PIP5K1C: variants seen among roughly 807,000 people sequenced by gnomAD.
PIP5K1C encodes the protein phosphatidylinositol-4-phosphate 5-kinase type 1 gamma.
PIP5K1C carries 45 observed loss-of-function variants against 80.1 expected under a neutral mutation model. The observed-to-expected ratio is 0.56, with a 90% confidence interval of 0.44 to 0.72. The LOEUF is 0.72. Among genes scored for constraint, PIP5K1C ranks in the 30% least tolerant of loss-of-function variants. PIP5K1C has a pLI of 0.00. For missense variants in PIP5K1C, 753 were observed against 954.6 expected (o/e 0.79, Z 2.78); for synonymous variants, 498 against 420.1 (o/e 1.19, Z -2.27).
Position 3,636,981 on chromosome 19 carries a change from C to T in PIP5K1C, c.1920+1903G>A, listed in dbSNP as rs192039658. ...TTGGGGATCTGGATTTTGACTAAAC[C>T]GTGTGGTCTCCCAGGCTCCCAGGGG... On this transcript the variant is annotated intron_variant, in intron 16 of 17. Coordinates refer to ENST00000335312, the MANE Select transcript of PIP5K1C (RefSeq NM_012398.3). The T allele has an allele frequency of 2.9e-4, 298 of 1,027,384 alleles. 3 individuals are homozygous for T. The African/African-American group carries it at 4.5e-3, about 15-fold the overall frequency. 63.6% of individuals were successfully genotyped at this position (1,027,384 alleles called of 1,614,324 possible). A position where few individuals can be genotyped will look rare whatever the true frequency, so the allele number is the denominator to read the frequency against.
chr19:3,652,017 G>A lies in PIP5K1C; in HGVS notation c.936C>T (p.Phe312=). The A allele has an allele frequency of 6.2e-7, 1 of 1,613,174 alleles. No individual in the cohort carries two copies. Among genetic ancestry groups the A allele is most frequent in the Non-Finnish European group, 8.5e-7 (1 of 1,179,974 alleles). Residue 312 remains phenylalanine, a synonymous_variant, in exon 8 of 18, where the codon TTC becomes TTT. Transcript: ENST00000335312. Reference sequence around the variant, plus strand: ...GCAGCAGGCTGTAGTCCATGATCTTGAAACTTTCCAGGACCTGGCGGGATC... The same window carrying A: ...GCAGCAGGCTGTAGTCCATGATCTTAAAACTTTCCAGGACCTGGCGGGATC... ...LQRDCLVLES[F]KIMDYSLLLG...
intron 1 of PIP5K1C, chr19:3,673,686 G>A (rs1478775821): frequency 6.6e-6 from 1 of 151,254 alleles, no homozygotes; most frequent in African/African-American, 2.4e-5. Flanking sequence ...CAGAGCTCAC[G>A]GTCACCTCCC....
chr19:3,658,338 C>T (rs951582494), intron 5 of PIP5K1C, among the ~76,000 whole-genome samples: 5 of 152,208 alleles, frequency 3.3e-5, no homozygotes, highest in African/African-American at 1.2e-4. Flanking sequence ...GTGAGAGAGC[C>T]GTGTGGGGTG....
At chr19:3,662,160 TGCTGA>T (rs1183340585) in intron 3 of PIP5K1C, among the ~76,000 whole-genome samples, 159 bp from the exon 4 acceptor site, 3 of 152,194 alleles carry the variant, frequency 2.0e-5, no homozygotes, top group African/African-American at 7.2e-5. Context: ...GTCCTGCGGC[TGCTGA>T]GCTGTCGACA....
chr19:3,671,100 C>T (rs538056938), intron 1 of PIP5K1C, among the ~76,000 whole-genome samples: 6 of 152,286 alleles, frequency 3.9e-5, no homozygotes, highest in East Asian at 1.9e-4. Flanking sequence ...TGGGCCGGGG[C>T]GGGACGTTCC....
chr19:3,665,002 T>C, intron 2 of PIP5K1C, 88 bp from the exon 3 acceptor site: 1 of 1,122,296 alleles, frequency 8.9e-7, no homozygotes, highest in Non-Finnish European at 1.3e-6. Flanking sequence ...AAGAAAGGTT[T>C]AGTCGTTGGG....
At chr19:3,680,059 C>T (rs1397837901) in intron 1 of PIP5K1C, among the ~76,000 whole-genome samples, 3 of 152,196 alleles carry the variant, frequency 2.0e-5, no homozygotes, top group African/African-American at 7.2e-5. Context: ...AGGCCTGAAG[C>T]CCCACAATCA....
intron 6 of PIP5K1C, among the ~76,000 whole-genome samples, chr19:3,655,283 T>C (rs1044163335): frequency 6.6e-6 from 1 of 151,508 alleles, no homozygotes; most frequent in African/African-American, 2.4e-5. Context: ...CCAGGCGTGG[T>C]GGCGGGCGCC....
intron 15 of PIP5K1C, 22 bp from the exon 16 acceptor site, chr19:3,639,038 G>A: frequency 6.2e-7 from 1 of 1,608,000 alleles, no homozygotes; most frequent in Non-Finnish European, 8.5e-7. Flanking sequence ...AGTAGACAGA[G>A]GGTCTTGACC....
rs1436314747 is a variant in PIP5K1C, at chr19:3,696,730, G to T, written c.94+3567C>A. On this transcript the variant is annotated intron_variant, in intron 1 of 17. Coordinates refer to ENST00000335312, the MANE Select transcript of PIP5K1C (RefSeq NM_012398.3). This position sits in a 1 kb window ranked among gnomAD's most constrained non-coding sequence, Gnocchi z 4.1. ...GACGGGAGGGCAGGGAGGGCAGAGT[G>T]CGGAGGGGAGGGCAGGGAGGGCAGG... is the stretch of plus-strand genomic sequence containing the variant. Among the ~76,000 whole-genome samples the T allele has an allele frequency of 2.0e-5, 2 of 99,100 alleles. No homozygotes were observed. Among genetic ancestry groups the T allele is most frequent in the African/African-American group, 1.0e-4 (2 of 20,000 alleles). The allele number at this position is 99,100 out of a possible 152,430, so 65.0% of individuals were successfully genotyped here.
Position 3,688,127 on chromosome 19 carries a change from G to A in PIP5K1C, c.94+12170C>T, listed in dbSNP as rs1247786909. On this transcript the variant is annotated intron_variant, in intron 1 of 17. Coordinates refer to ENST00000335312, the MANE Select transcript of PIP5K1C (RefSeq NM_012398.3). The surrounding 1 kb of genome is among the most constrained non-coding windows in gnomAD (Gnocchi z 5.3). ...GCTGCGGGAGATCCTGATGGGCCCC[G>A]AGCTGAGGCTCCCGCAGCCAGGGTC... Among the ~76,000 whole-genome samples, 4 of 152,144 alleles carry A rather than the reference G, an allele frequency of 2.6e-5. No homozygotes were observed. Among genetic ancestry groups the A allele is most frequent in the South Asian group, 4.1e-4 (2 of 4,834 alleles).
intron 1 of PIP5K1C, among the ~76,000 whole-genome samples, chr19:3,691,844 A>G (rs2035960286): frequency 6.6e-6 from 1 of 152,138 alleles, no homozygotes; most frequent in African/African-American, 2.4e-5. Context: ...CCCCAACACA[A>G]GCGAGAAATG....
intron 8 of PIP5K1C, 21 bp downstream of exon 8, chr19:3,651,805 G>C (rs370432767): frequency 8.1e-6 from 13 of 1,606,470 alleles, no homozygotes; most frequent in South Asian, 2.2e-5. Context: ...GGACGGGTCC[G>C]GCGGCCCCCC....
chr19:3,643,121 T>A, intron 13 of PIP5K1C, 122 bp downstream of exon 13: 1 of 1,479,536 alleles, frequency 6.8e-7, no homozygotes, highest in Non-Finnish European at 9.3e-7. Flanking sequence ...TGTATGTACA[T>A]CCACCGTACA....
At chr19:3,678,061 ATGGAGAGAT>A (rs2035438955) in intron 1 of PIP5K1C, among the ~76,000 whole-genome samples, 1 of 87,900 alleles carries the variant, frequency 1.1e-5, no homozygotes, top group Non-Finnish European at 2.3e-5. Flanking sequence ...GAATGGAGGG[ATGGAGAGAT>A]GGAAGGAGAA....
intron 1 of PIP5K1C, among the ~76,000 whole-genome samples, chr19:3,687,388 T>A (rs2035792133): frequency 6.6e-6 from 1 of 151,524 alleles, no homozygotes; most frequent in Admixed American, 6.6e-5. Context: ...AAGAAAGAAG[T>A]CCAAGTGTGC....
intron 7 of PIP5K1C, among the ~76,000 whole-genome samples, chr19:3,652,666 T>C (rs1274142382): frequency 1.3e-5 from 2 of 152,176 alleles, no homozygotes; most frequent in Non-Finnish European, 2.9e-5. Context: ...TATCATTCTT[T>C]CGCTAACACG....
At position 3,631,437 on chromosome 19, in the gene PIP5K1C, A is replaced by C. The variant is rs2033465593; in HGVS notation, c.*1730T>G. On this transcript the variant is annotated 3_prime_UTR_variant, in exon 18 of 18. Transcript: ENST00000335312. ...GGACAGGGCGGGGGCTGATGGGTGGATGCCCGGTGCCAGCAGATGAGCACC... is the reference window on the plus strand; with the variant it reads ...GGACAGGGCGGGGGCTGATGGGTGGCTGCCCGGTGCCAGCAGATGAGCACC... 6.6e-6 allele frequency: 1 copy of C among 152,540 alleles called. No individual in the cohort carries two copies. Among genetic ancestry groups the C allele is most frequent in the African/African-American group, 2.4e-5 (1 of 41,446 alleles). 9.4% of individuals were successfully genotyped at this position (152,540 alleles called of 1,614,324 possible). A position where few individuals can be genotyped will look rare whatever the true frequency, so the allele number is the denominator to read the frequency against.
Position 3,632,849 on chromosome 19 carries a change from T to G in PIP5K1C, c.*318A>C, listed in dbSNP as rs754586043. ...GGGGCTCTTCTCCCTCTGGTTGGTT[T>G]GTTTGTGTCTTTTTTGTTCTTTTCC... is the stretch of plus-strand genomic sequence containing the variant. On this transcript the variant is annotated 3_prime_UTR_variant, in exon 18 of 18. Coordinates refer to ENST00000335312, the MANE Select transcript of PIP5K1C (RefSeq NM_012398.3). 1.8e-4 allele frequency: 71 copies of G among 399,984 alleles called. No homozygotes were observed. Among genetic ancestry groups the G allele is most frequent in the Admixed American group, 5.1e-4 (12 of 23,424 alleles). 24.8% of individuals were successfully genotyped at this position (399,984 alleles called of 1,614,324 possible). A position where few individuals can be genotyped will look rare whatever the true frequency, so the allele number is the denominator to read the frequency against.
Sources: gnomAD v4.1 joint callset for allele counts (sites outside exome capture counted in the v4.1 genomes callset) on GRCh38, gnomAD v4.1.1 for gene constraint, Gnocchi (gnomAD v3.1) non-coding constraint, MANE v1.5 for transcripts, NCBI Gene and HGNC (gene_info 2026-07-23, HGNC 2026-07-21) for gene names.